Variants in MAP2K6 observed in about 807,000 individuals in gnomAD.
MAP2K6 encodes the protein dual specificity mitogen-activated protein kinase kinase 6.
Under a neutral mutation model 53.7 loss-of-function variants are expected in MAP2K6, and 16 were observed. The observed-to-expected ratio is 0.30, with a 90% CI of 0.20 to 0.45. The LOEUF (loss-of-function observed/expected upper bound fraction) is 0.45. Among genes scored for constraint, MAP2K6 ranks in the 20% least tolerant of loss-of-function variants. The pLI is 1.00. For missense variants in MAP2K6, 204 were observed against 411.9 expected (o/e 0.50, Z 4.37); for synonymous variants, 132 against 143.1 (o/e 0.92, Z 0.55).
rs186401337 is a variant in MAP2K6 at position 69,425,563 on chromosome 17, G to A, written c.16+10563G>A. 3.8e-3 allele frequency among the ~76,000 whole-genome samples: 582 copies of A among 152,100 alleles called. 2 individuals carry two copies. The highest frequency in any genetic ancestry group is 0.012 in the African/African-American group (504 of 41,478). On this transcript the variant is annotated intron_variant, in intron 1 of 11. Transcript: ENST00000590474. ...CCTGACCTCATGATTCGCCCGCCTCGGCCTCCCAAAGTTCTGGGCTTACAA... is the reference window on the plus strand; with the variant it reads ...CCTGACCTCATGATTCGCCCGCCTCAGCCTCCCAAAGTTCTGGGCTTACAA...
intron 1 of MAP2K6, among the ~76,000 whole-genome samples, chr17:69,466,196 G>C (rs1907797549): frequency 6.6e-6 from 1 of 151,142 alleles, no homozygotes; most frequent in Non-Finnish European, 1.5e-5. Flanking sequence ...GGGAGGCTGA[G>C]GCAGGAGAAT....
intron 1 of MAP2K6, among the ~76,000 whole-genome samples, chr17:69,463,853 A>G (rs576548214): frequency 2.0e-4 from 30 of 151,680 alleles, no homozygotes; most frequent in Admixed American, 7.2e-4. Context: ...CCCCATCTCT[A>G]CTAAAAATAC....
chr17:69,484,321 G>A (rs548193793), intron 1 of MAP2K6, among the ~76,000 whole-genome samples: 4 of 151,766 alleles, frequency 2.6e-5, no homozygotes, highest in South Asian at 4.2e-4. Context: ...CAATAAATAC[G>A]TAAAATTATG....
At chr17:69,517,209 A>T (rs145549421) in intron 3 of MAP2K6, among the ~76,000 whole-genome samples, 6 of 151,880 alleles carry the variant, frequency 4.0e-5, no homozygotes, top group African/African-American at 1.4e-4. Context: ...ATGAAGGGTC[A>T]TGGCTAAAGA....
chr17:69,458,303 T>C (rs1261014306), intron 1 of MAP2K6, among the ~76,000 whole-genome samples: 1 of 152,196 alleles, frequency 6.6e-6, no homozygotes, highest in African/African-American at 2.4e-5. Flanking sequence ...TCTGCCTGTC[T>C]CGGCCTCCCA....
chr17:69,507,955 A>T (rs1419941308), intron 2 of MAP2K6, among the ~76,000 whole-genome samples: 1 of 149,582 alleles, frequency 6.7e-6, no homozygotes, highest in African/African-American at 2.5e-5. Flanking sequence ...TGTCCGAATA[A>T]TCTAGTTTTT....
At chr17:69,516,822 T>C in intron 2 of MAP2K6, 33 bp from the exon 3 acceptor site, 1 of 1,507,542 alleles carries the variant, frequency 6.6e-7, no homozygotes, top group African/African-American at 1.4e-5. Flanking sequence ...CTCAATAGCT[T>C]ATGTTTCTTC....
At position 69,544,694 on chromosome 17, in the gene MAP2K6, T is replaced by C. The variant is rs1911809042; in HGVS notation, c.*2941T>C. On this transcript the variant is annotated 3_prime_UTR_variant, in exon 12 of 12. Coordinates refer to ENST00000590474, the MANE Select transcript of MAP2K6 (RefSeq NM_002758.4). ...GAAAATGTTTATTAAAATAGCCATC[T>C]TTTTTGATATTATTGGTTTAAGAGG... 6.6e-6 allele frequency: 1 copy of C among 152,262 alleles called. No individual in the cohort carries two copies. The highest frequency in any genetic ancestry group is 2.1e-4 in the South Asian group (1 of 4,838). 9.4% of individuals were successfully genotyped at this position (152,262 alleles called of 1,614,324 possible).
intron 1 of MAP2K6, chr17:69,433,127 G>T (rs1906520300): frequency 6.6e-6 from 1 of 152,230 alleles, no homozygotes; most frequent in Non-Finnish European, 1.5e-5. Flanking sequence ...GTCAGGGCAA[G>T]AGATATCAGG....
At chr17:69,515,377 G>C (rs1342675746) in intron 2 of MAP2K6, among the ~76,000 whole-genome samples, 1 of 151,072 alleles carries the variant, frequency 6.6e-6, no homozygotes, top group Non-Finnish European at 1.5e-5. Context: ...GGCTGGTCTC[G>C]AACTCCTGAC....
At chr17:69,464,335 C>T (rs914521226) in intron 1 of MAP2K6, among the ~76,000 whole-genome samples, 4 of 151,896 alleles carry the variant, frequency 2.6e-5, no homozygotes, top group African/African-American at 7.3e-5. Flanking sequence ...AGTGCTTTCC[C>T]CTTATAAACA....
Position 69,519,408 on chromosome 17 carries a change from C to T in MAP2K6, c.342C>T (p.Thr114=). 6.2e-7 allele frequency: 1 copy of T among 1,614,182 alleles called. No individual in the cohort carries two copies. ...CGGTGGACTGTCCATTCACTGTCAC[C>T]TTTTATGGCGCACTGTTTCGGGAGG... ...MRTVDCPFTV[T]FYGALFREGD... is the part of the protein sequence containing the mutation. The change falls in exon 5 of 12, where the codon ACC becomes ACT. Residue 114 remains threonine, a synonymous_variant. Coordinates refer to ENST00000590474, the MANE Select transcript of MAP2K6 (RefSeq NM_002758.4).
chr17:69,478,097 G>C (rs1353391104), intron 1 of MAP2K6, among the ~76,000 whole-genome samples: 1 of 152,196 alleles, frequency 6.6e-6, no homozygotes, highest in African/African-American at 2.4e-5. Context: ...CCATTTGAGT[G>C]CCTTATAGTT....
At chr17:69,429,822 T>C (rs1374380712) in intron 1 of MAP2K6, among the ~76,000 whole-genome samples, 1 of 152,116 alleles carries the variant, frequency 6.6e-6, no homozygotes, top group African/African-American at 2.4e-5. Flanking sequence ...GGGGTGTTGA[T>C]GGCAGCAGGC....
At chr17:69,533,487 A>C (rs894498114) in intron 10 of MAP2K6, among the ~76,000 whole-genome samples, 1 of 152,144 alleles carries the variant, frequency 6.6e-6, no homozygotes, top group Non-Finnish European at 1.5e-5. Flanking sequence ...TCTGTTGTTG[A>C]CCAATGAAAG....
intron 1 of MAP2K6, among the ~76,000 whole-genome samples, chr17:69,497,905 CCAAA>C (rs1300883676): frequency 6.6e-6 from 1 of 152,114 alleles, no homozygotes; most frequent in Non-Finnish European, 1.5e-5. Context: ...TTAAATCCTA[CCAAA>C]ATCAAAGGGC....
rs1395841025 is a variant in MAP2K6 at position 69,519,423 on chromosome 17, G to C, written c.357G>C (p.Leu119=). 5 of 1,614,164 alleles carry C rather than the reference G, an allele frequency of 3.1e-6. No individual in the cohort carries two copies. The East Asian group carries it at 8.9e-5, about 29-fold the overall frequency. ...TCACTGTCACCTTTTATGGCGCACT[G>C]TTTCGGGAGGTAGGTGACCCTTCAA... The part of the protein sequence containing the change: ...CPFTVTFYGA[L]FREGDVWICM... Residue 119 remains leucine (L), a synonymous_variant, in exon 5 of 12, where the codon CTG becomes CTC. Transcript: ENST00000590474.
rs115240749 is a variant in MAP2K6, at chr17:69,498,833, G to A, written c.17-6947G>A. Among the ~76,000 whole-genome samples, 592 of 152,216 alleles carry A rather than the reference G, an allele frequency of 3.9e-3. 5 individuals carry two copies. Among genetic ancestry groups the A allele is most frequent in the African/African-American group, 0.013 (539 of 41,536 alleles). On this transcript the variant is annotated intron_variant, in intron 1 of 11. Coordinates refer to ENST00000590474, the MANE Select transcript of MAP2K6 (RefSeq NM_002758.4). The stretch of plus-strand genomic sequence containing the variant: ...GGAGGTCACAGCGTGACTGAGAGGT[G>A]GTCACCTTACGTTTGTGGGCAAATG...
intron 2 of MAP2K6, among the ~76,000 whole-genome samples, chr17:69,512,345 T>TTTTTTC (rs1443437293): frequency 3.1e-5 from 4 of 130,058 alleles, no homozygotes; most frequent in Non-Finnish European, 6.5e-5. Flanking sequence ...TTTTGTTTTT[T>TTTTTTC]TTTTTTTTTT....
Sources: allele counts gnomAD v4.1 joint callset (sites outside exome capture counted in the v4.1 genomes callset), GRCh38; gene constraint gnomAD v4.1.1; transcripts MANE v1.5; gene names NCBI Gene and HGNC (gene_info 2026-07-23, HGNC 2026-07-21).